The following PCDH15 variants were observed in gnomAD, a reference collection of about 807,000 sequenced individuals.
PCDH15 encodes protocadherin-15.
PCDH15 carries 129 observed loss-of-function variants against 178.5 expected under a neutral mutation model. That is an observed-to-expected ratio of 0.72 (90% confidence interval 0.63 to 0.84). The LOEUF (loss-of-function observed/expected upper bound fraction) is 0.84, where lower values mean the gene tolerates loss of function less well. Ranked by LOEUF, PCDH15 falls within the 40% of genes least tolerant of loss-of-function variation. The probability of loss-of-function intolerance (pLI) is 0.00; values close to 1 mark genes in which losing one functional copy is unlikely to be tolerated. For synonymous variants in PCDH15, 800 were observed against 732.0 expected, an observed-to-expected ratio of 1.09 and a Z score of -1.50; for missense variants, 2,230 against 2,099.9, an observed-to-expected ratio of 1.06 and a Z score of -1.21.
At chr10:54,613,243 A>C (rs78593752) in intron 2 of PCDH15, among the ~76,000 whole-genome samples, 1 of 151,862 alleles carries the variant, frequency 6.6e-6, no homozygotes, top group African/African-American at 2.4e-5. Flanking sequence ...CAGCAATGCT[A>C]TGTTTTTCTA....
chr10:53,888,356 A>ATATG lies in PCDH15; in HGVS notation c.3501+14886_3501+14887insCATA, dbSNP rs373775620. ...TGTACGTATATATATATACGTATAT[A>ATATG]TACATATATATATATATTCCATATC... On this transcript the variant is annotated intron_variant, in intron 26 of 37. Coordinates refer to ENST00000644397, the MANE Select transcript of PCDH15 (RefSeq NM_001384140.1). Among the ~76,000 whole-genome samples the ATATG allele has an allele frequency of 5.6e-5, 4 of 70,994 alleles. 1 individual carries two copies. The highest frequency in any genetic ancestry group is 1.4e-3 in the South Asian group (2 of 1,434). The allele number at this position is 70,994 out of a possible 152,430, so 46.6% of individuals were successfully genotyped here. A position where few individuals can be genotyped will look rare whatever the true frequency, so the allele number is the denominator to read the frequency against.
intron 2 of PCDH15, among the ~76,000 whole-genome samples, chr10:54,622,715 ATAATATAT>A (rs2093420973): frequency 3.2e-5 from 1 of 31,740 alleles, no homozygotes; most frequent in African/African-American, 1.2e-4. Flanking sequence ...TATATTATAT[ATAATATAT>A]ATTATATAAT....
At chr10:54,387,723 C>A (rs1950090578) in intron 3 of PCDH15, among the ~76,000 whole-genome samples, 1 of 152,176 alleles carries the variant, frequency 6.6e-6, no homozygotes, top group African/African-American at 2.4e-5. Context: ...TATTGCATTT[C>A]TTCCCTGCTA....
intron 2 of PCDH15, among the ~76,000 whole-genome samples, chr10:55,447,391 T>C (rs1426118400): frequency 6.6e-6 from 1 of 152,046 alleles, no homozygotes; most frequent in African/African-American, 2.4e-5. Flanking sequence ...AGAAATGTAA[T>C]ATCATAGAAC....
At chr10:54,397,130 C>T (rs73251609) in intron 3 of PCDH15, among the ~76,000 whole-genome samples, 4,002 of 152,094 alleles carry the variant, frequency 0.026, 168 homozygotes, top group African/African-American at 0.089. Flanking sequence ...ATGTCCTGAC[C>T]TTTATTTTCT....
chr10:55,003,149 ATGTGTC>A (rs1176049008), intron 2 of PCDH15, among the ~76,000 whole-genome samples: 1 of 152,118 alleles, frequency 6.6e-6, no homozygotes, highest in Admixed American at 6.5e-5. Flanking sequence ...TTATTGTCAA[ATGTGTC>A]TGTCCTAAGA....
chr10:54,893,114 C>T (rs1317454240), intron 3 of PCDH15, among the ~76,000 whole-genome samples: 3 of 152,012 alleles, frequency 2.0e-5, no homozygotes, highest in Admixed American at 1.3e-4. Flanking sequence ...TATTAGGTGG[C>T]CCTCAGCTTG....
intron 1 of PCDH15, among the ~76,000 whole-genome samples, chr10:55,229,933 T>C (rs16907123): frequency 0.061 from 9,253 of 152,080 alleles, 353 homozygotes; most frequent in Non-Finnish European, 0.09. Context: ...ATATGGACAA[T>C]AATAGTAACC....
At chr10:53,961,651 G>A (rs1363928214) in intron 22 of PCDH15, 101 bp downstream of exon 22, 21 of 866,124 alleles carry the variant, frequency 2.4e-5, no homozygotes, top group Non-Finnish European at 1.6e-5. Flanking sequence ...AATTAAAAAG[G>A]AGAAAAATTG....
chr10:55,013,191 T>C (rs1383724506), intron 2 of PCDH15, among the ~76,000 whole-genome samples: 1 of 152,168 alleles, frequency 6.6e-6, no homozygotes, highest in Non-Finnish European at 1.5e-5. Context: ...TCTGTCTACA[T>C]TTCCCATCTG....
At chr10:55,369,190 C>T (rs1049333054) in intron 2 of PCDH15, among the ~76,000 whole-genome samples, 1 of 151,894 alleles carries the variant, frequency 6.6e-6, no homozygotes, top group Non-Finnish European at 1.5e-5. Context: ...GACACAGAGA[C>T]TTCTTACTGC....
At chr10:55,330,133 A>G (rs1844160310) in intron 2 of PCDH15, among the ~76,000 whole-genome samples, 1 of 151,874 alleles carries the variant, frequency 6.6e-6, no homozygotes, top group African/African-American at 2.4e-5. Flanking sequence ...TTAAATTCAT[A>G]TACTATTATT....
At chr10:53,847,712 G>C (rs1189696770) in intron 28 of PCDH15, among the ~76,000 whole-genome samples, 1 of 152,078 alleles carries the variant, frequency 6.6e-6, no homozygotes, top group Non-Finnish European at 1.5e-5. Context: ...TGACAGTCAA[G>C]TTTGTGACTA....
intron 3 of PCDH15, among the ~76,000 whole-genome samples, chr10:54,873,997 G>A (rs1271134969): frequency 3.6e-5 from 5 of 140,190 alleles, no homozygotes; most frequent in Non-Finnish European, 7.7e-5. Context: ...TATACTTTAA[G>A]TTTTAGGGTA....
At chr10:53,809,132 G>C in intron 37 of PCDH15, 2 of 1,613,720 alleles carry the variant, frequency 1.2e-6, no homozygotes, top group Non-Finnish European at 1.7e-6. Context: ...TCTGATTCAG[G>C]GGTGGAACTC....
intron 2 of PCDH15, among the ~76,000 whole-genome samples, chr10:54,641,610 CTGTG>C (rs1256173282): frequency 1.3e-5 from 2 of 149,972 alleles, no homozygotes; most frequent in Non-Finnish European, 2.9e-5. Flanking sequence ...ACACACACTG[CTGTG>C]TGTATCTGTG....
At chr10:54,198,049 G>A (rs995473052) in intron 10 of PCDH15, among the ~76,000 whole-genome samples, 3 of 152,048 alleles carry the variant, frequency 2.0e-5, no homozygotes, top group African/African-American at 7.2e-5. Context: ...GGCACAAAAC[G>A]CTTTAAGATC....
At chr10:55,195,386 T>C (rs576554087) in intron 1 of PCDH15, among the ~76,000 whole-genome samples, 2 of 149,902 alleles carry the variant, frequency 1.3e-5, no homozygotes, top group Non-Finnish European at 2.9e-5. Flanking sequence ...TTCACGCCTG[T>C]AATCCCATCA....
chr10:55,032,287 C>T (rs1484621126), intron 2 of PCDH15, among the ~76,000 whole-genome samples: 1 of 152,136 alleles, frequency 6.6e-6, no homozygotes, highest in South Asian at 2.1e-4. Flanking sequence ...TGTCCTAGGA[C>T]TTTGTGAAAG....
Sources: gnomAD v4.1 joint callset for allele counts (sites outside exome capture counted in the v4.1 genomes callset) on GRCh38, gnomAD v4.1.1 for gene constraint, MANE v1.5 for transcripts, NCBI Gene and HGNC (gene_info 2026-07-23, HGNC 2026-07-21) for gene names.